The following ADCY9 variants were observed in gnomAD, a reference collection of about 807,000 sequenced individuals.
The protein encoded by ADCY9 is adenylate cyclase type 9.
In ADCY9, 50 loss-of-function variants were observed where a neutral mutation model predicts 101.5. That is an observed-to-expected ratio of 0.49 (90% CI 0.39 to 0.62). The LOEUF is 0.62. Among genes scored for constraint, ADCY9 ranks in the 20% least tolerant of loss-of-function variants. The pLI, the probability that ADCY9 is intolerant of heterozygous loss-of-function variation, is 0.00. For missense variants in ADCY9, 1,662 were observed against 1,800.4 expected (o/e 0.92, Z 1.39); for synonymous variants, 905 against 769.3 (o/e 1.18, Z -2.92).
intron 2 of ADCY9, among the ~76,000 whole-genome samples, chr16:4,045,498 G>A (rs1178310043): frequency 6.7e-6 from 1 of 148,854 alleles, no homozygotes; most frequent in African/African-American, 2.5e-5. Flanking sequence ...AGGAGGCTGA[G>A]GCAGGAGAAT....
At chr16:3,980,507 G>A (rs201827374) in intron 7 of ADCY9, among the ~76,000 whole-genome samples, 154 of 152,278 alleles carry the variant, frequency 1.0e-3, no homozygotes, top group African/African-American at 3.6e-3. Flanking sequence ...GAGGCTGGGC[G>A]GGGGCCGCTG....
intron 2 of ADCY9, among the ~76,000 whole-genome samples, chr16:4,067,479 G>C (rs1051913244): frequency 1.3e-5 from 2 of 152,098 alleles, no homozygotes; most frequent in African/African-American, 2.4e-5. Context: ...ACCAAGATGG[G>C]TCTGGGTCAA....
intron 3 of ADCY9, among the ~76,000 whole-genome samples, chr16:3,996,321 C>T (rs1029835675): frequency 6.6e-6 from 1 of 152,174 alleles, no homozygotes; most frequent in African/African-American, 2.4e-5. Context: ...GTGATTGTGC[C>T]ACTGCACTCC....
rs1458627244 is a variant in ADCY9 at position 3,965,791 on chromosome 16, A to G, written c.4046T>C (p.Val1349Ala). The change falls in exon 11 of 11, where the codon GTT becomes GCT. Residue 1349 changes from valine to alanine, a missense_variant. Physicochemically the swap from Val to Ala is moderately conservative, Grantham distance 64 (BLOSUM62 0). Transcript: ENST00000294016. ...GGCGCCGCCTCACACACTCTTTGAA[A>G]CGTTGAGCTTGGTGAGTTCGTTGGC... ...EEANELTKLN[V>A]SKSV is the part of the protein sequence containing the mutation. 1 of 1,612,750 alleles carries G rather than the reference A, an allele frequency of 6.2e-7. No individual in the cohort carries two copies. Among genetic ancestry groups the G allele is most frequent in the East Asian group, 2.2e-5 (1 of 44,870 alleles).
intron 2 of ADCY9, among the ~76,000 whole-genome samples, chr16:4,090,078 C>T (rs2056963934): frequency 6.6e-6 from 1 of 152,090 alleles, no homozygotes. Context: ...CCATTCCAAG[C>T]TCCCCCAACA....
intron 2 of ADCY9, among the ~76,000 whole-genome samples, chr16:4,057,822 T>C (rs759910336): frequency 6.6e-6 from 1 of 151,972 alleles, no homozygotes; most frequent in African/African-American, 2.4e-5. Flanking sequence ...CAAGAGTTGC[T>C]CCCAGCCCCA....
chr16:4,035,464 T>C (rs1425205132), intron 2 of ADCY9, among the ~76,000 whole-genome samples: 1 of 152,204 alleles, frequency 6.6e-6, no homozygotes, highest in Non-Finnish European at 1.5e-5. Flanking sequence ...AGAGTGATTA[T>C]GGGTGCCCAC....
At chr16:3,973,144 A>G (rs2056066723) in intron 10 of ADCY9, among the ~76,000 whole-genome samples, 1 of 152,196 alleles carries the variant, frequency 6.6e-6, no homozygotes, top group African/African-American at 2.4e-5. Flanking sequence ...GTATTATTTG[A>G]GTAAATGTAT....
intron 2 of ADCY9, among the ~76,000 whole-genome samples, chr16:4,040,833 A>G (rs889472865): frequency 6.6e-6 from 1 of 152,314 alleles, no homozygotes; most frequent in Admixed American, 6.5e-5. Context: ...CTTTTCACCT[A>G]TTGACTGAAC....
chr16:3,985,547 A>C (rs9932552), intron 6 of ADCY9, among the ~76,000 whole-genome samples: 318 of 152,244 alleles, frequency 2.1e-3, no homozygotes, highest in African/African-American at 7.4e-3. Context: ...GGTTCGAGTC[A>C]GGGCCGGGTG....
chr16:3,989,209 G>A, intron 5 of ADCY9, 113 bp from the exon 6 acceptor site: 1 of 723,526 alleles, frequency 1.4e-6, no homozygotes, highest in Non-Finnish European at 2.3e-6. Flanking sequence ...TACAACAGCT[G>A]CGTCTAAAAG....
intron 6 of ADCY9, among the ~76,000 whole-genome samples, chr16:3,986,922 C>A (rs999258992): frequency 2.6e-5 from 4 of 152,352 alleles, no homozygotes; most frequent in African/African-American, 9.6e-5. Context: ...GATCCTTCAA[C>A]AGCTCCCCAT....
chr16:4,016,550 G>GA (rs2056439941), intron 2 of ADCY9, among the ~76,000 whole-genome samples: 1 of 152,160 alleles, frequency 6.6e-6, no homozygotes, highest in Non-Finnish European at 1.5e-5. Context: ...TTTCTAAGAG[G>GA]TGCTGATTCA....
Position 3,983,303 on chromosome 16 carries a change from G to A in ADCY9, c.2448C>T (p.Pro816=). 2 of 1,565,348 alleles carry A rather than the reference G, an allele frequency of 1.3e-6. No homozygotes were observed. Among genetic ancestry groups the A allele is most frequent in the Non-Finnish European group, 1.7e-6 (2 of 1,155,492 alleles). Residue 816 remains proline (P), a synonymous_variant, in exon 7 of 11, where the codon CCC becomes CCT. Transcript: ENST00000294016. ...TGAAGACCGCCAGGGCGGCGGGCGG[G>A]GGAGGCACGGTGGCCGCCTCGTACT... ...FLKYEAATVP[P]PPAALAVFSA...
rs778366170 is a variant in ADCY9 at position 3,993,390 on chromosome 16, G to T, written c.1989+16C>A. ...AGGAGAGGAACTGACAGGAACAACA[G>T]CCATGAGCTTGTTACCTTGGTGCTG... On this transcript the variant is annotated intron_variant, in intron 4 of 10. Transcript: ENST00000294016. 1.2e-6 allele frequency: 2 copies of T among 1,613,152 alleles called. No individual in the cohort carries two copies. Among genetic ancestry groups the T allele is most frequent in the Non-Finnish European group, 1.7e-6 (2 of 1,179,080 alleles).
intron 2 of ADCY9, among the ~76,000 whole-genome samples, chr16:4,082,385 A>G (rs1183871516): frequency 6.6e-6 from 1 of 152,146 alleles, no homozygotes; most frequent in African/African-American, 2.4e-5. Context: ...TCAAAAGAAA[A>G]AAAACAAACA....
At chr16:4,070,694 C>T (rs2141168958) in intron 2 of ADCY9, among the ~76,000 whole-genome samples, 1 of 152,168 alleles carries the variant, frequency 6.6e-6, no homozygotes, top group Admixed American at 6.5e-5. Context: ...ACCTGTAATC[C>T]TATCACTTTG....
chr16:4,089,809 G>A (rs186517837), intron 2 of ADCY9, among the ~76,000 whole-genome samples: 2 of 152,136 alleles, frequency 1.3e-5, no homozygotes, highest in Admixed American at 1.3e-4. Context: ...GTGCCAAGGT[G>A]GCTTCCAAAG....
At chr16:4,039,306 T>G (rs2056611199) in intron 2 of ADCY9, among the ~76,000 whole-genome samples, 2 of 152,226 alleles carry the variant, frequency 1.3e-5, no homozygotes, top group Non-Finnish European at 1.5e-5. Flanking sequence ...TGCCGTTTCC[T>G]TGCCATTTTA....
Sources: gnomAD v4.1 joint callset for allele counts (sites outside exome capture counted in the v4.1 genomes callset) on GRCh38, gnomAD v4.1.1 for gene constraint, MANE v1.5 for transcripts, NCBI Gene and HGNC (gene_info 2026-07-23, HGNC 2026-07-21) for gene names.